PDZD8: variants seen among roughly 807,000 people sequenced by gnomAD.
PDZD8 encodes the protein PDZ domain containing 8, also known as PDZ domain-containing protein 8.
In PDZD8, 14 loss-of-function variants were observed where a neutral mutation model predicts 85.8. The observed-to-expected ratio is 0.16, with a 90% confidence interval of 0.11 to 0.26. PDZD8 has a LOEUF of 0.26. Among genes scored for constraint, PDZD8 ranks in the 10% least tolerant of loss-of-function variants. The pLI, the probability that PDZD8 is intolerant of heterozygous loss-of-function variation, is 1.00. For missense variants in PDZD8, 1,197 were observed against 1,424.3 expected, an observed-to-expected ratio of 0.84 and a Z score of 2.57; for synonymous variants, 592 against 568.6, an observed-to-expected ratio of 1.04 and a Z score of -0.59.
chr10:117,374,501 A>G lies in PDZD8; in HGVS notation c.727T>C (p.Phe243Leu). Reference sequence around the variant, plus strand: ...ATCAGCGGGTCTTCCACGAAGGAGAAGAACCAGTGGGTGAAGGGCACGCGC... The same window carrying G: ...ATCAGCGGGTCTTCCACGAAGGAGAGGAACCAGTGGGTGAAGGGCACGCGC... ...FTRVPFTHWF[F>L]SFVEDPLIDF... Residue 243 changes from phenylalanine to leucine, a missense_variant, in exon 1 of 5, where the codon TTC (phenylalanine) becomes CTC (leucine). Phe to Leu is a conservative substitution (Grantham distance 22, BLOSUM62 0). Transcript: ENST00000334464. The surrounding 1 kb of genome is among the most constrained non-coding windows in gnomAD (Gnocchi z 7.8). 2 of 1,613,576 alleles carry G rather than the reference A, an allele frequency of 1.2e-6. No homozygotes were observed. Among genetic ancestry groups the G allele is most frequent in the Non-Finnish European group, 1.7e-6 (2 of 1,179,734 alleles).
intron 3 of PDZD8, among the ~76,000 whole-genome samples, chr10:117,302,049 G>C (rs909902512): frequency 2.6e-5 from 4 of 152,076 alleles, no homozygotes; most frequent in African/African-American, 9.7e-5. Flanking sequence ...ACAATTTCTA[G>C]GTTCTAGAAC....
At chr10:117,295,514 T>C (rs985818932) in intron 3 of PDZD8, among the ~76,000 whole-genome samples, 6 of 151,950 alleles carry the variant, frequency 3.9e-5, no homozygotes, top group African/African-American at 1.5e-4. Context: ...CACAAAAAAC[T>C]CCCTCCCAGT....
chr10:117,293,506 CAAA>C (rs1844803247), intron 3 of PDZD8, among the ~76,000 whole-genome samples: 1 of 152,016 alleles, frequency 6.6e-6, no homozygotes, highest in East Asian at 1.9e-4. Context: ...CCAATATATA[CAAA>C]AGTACAGAGA....
intron 3 of PDZD8, among the ~76,000 whole-genome samples, chr10:117,304,452 C>T (rs1300409545): frequency 6.6e-6 from 1 of 152,010 alleles, no homozygotes; most frequent in Non-Finnish European, 1.5e-5. Flanking sequence ...GGACTGTGGG[C>T]TTTTGGGTTA....
chr10:117,293,700 C>G (rs1462846824), intron 3 of PDZD8, among the ~76,000 whole-genome samples: 1 of 152,094 alleles, frequency 6.6e-6, no homozygotes, highest in Non-Finnish European at 1.5e-5. Flanking sequence ...GCACAGGCAA[C>G]CTCAACATCA....
At chr10:117,356,738 A>G (rs112762179) in intron 1 of PDZD8, among the ~76,000 whole-genome samples, 2,173 of 152,296 alleles carry the variant, frequency 0.014, 51 homozygotes, top group African/African-American at 0.049. Flanking sequence ...GAAGTAATCA[A>G]TGAAAAACAA....
chr10:117,309,577 T>C (rs1589556728), intron 3 of PDZD8, among the ~76,000 whole-genome samples: 1 of 151,906 alleles, frequency 6.6e-6, no homozygotes, highest in East Asian at 1.9e-4. Context: ...AACCCTCCAT[T>C]CCCAGTGGTA....
rs776186154 is a variant in PDZD8, at chr10:117,374,860, ATCT to A, written c.365_367del (p.Lys122del). Reference sequence around the variant, plus strand: ...CAGCAGCTCCTCGAACTCCACCTTGATCTTCTTGGTGACCCAGCGGCGGGTCAG... The same window carrying A: ...CAGCAGCTCCTCGAACTCCACCTTGATCTTGGTGACCCAGCGGCGGGTCAG... On this transcript the variant is annotated inframe_deletion, in exon 1 of 5. Transcript: ENST00000334464. The surrounding 1 kb of genome is among the most constrained non-coding windows in gnomAD (Gnocchi z 7.8). 1.9e-6 allele frequency: 3 copies of A among 1,613,364 alleles called. No individual in the cohort carries two copies. The highest frequency in any genetic ancestry group is 2.5e-6 in the Non-Finnish European group (3 of 1,179,846).
chr10:117,294,716 GA>G lies in PDZD8; in HGVS notation c.1099-4369del, dbSNP rs1326012524. Among the ~76,000 whole-genome samples the G allele has an allele frequency of 2.0e-5, 3 of 152,244 alleles. No individual in the cohort carries two copies. The East Asian group carries it at 5.8e-4, about 29-fold the overall frequency. On this transcript the variant is annotated intron_variant, in intron 3 of 4. Transcript: ENST00000334464. ...GAGAAAAGTCATTTATGACAACATG[GA>G]TGAACCCAGAGGACATTATGTTAAG...
chr10:117,283,678 T>C lies in PDZD8; in HGVS notation c.3055A>G (p.Ile1019Val). 1 of 1,614,200 alleles carries C rather than the reference T, an allele frequency of 6.2e-7. No homozygotes were observed. ...AAGCCCCTGTACAGATCACGACCAA[T>C]TTCTTTAACTGCAATGAAAACACTG... ...DDSVFIAVKE[I>V]GRDLYRGLPT... The change falls in exon 5 of 5, where the codon ATT (isoleucine) becomes GTT (valine). Residue 1019 changes from isoleucine to valine, a missense_variant. Around this residue, in one of 4 missense-constraint regions of PDZD8, gnomAD observed 418 missense variants for 571.1 expected, o/e 0.73. Coordinates refer to ENST00000334464, the MANE Select transcript of PDZD8 (RefSeq NM_173791.5).
intron 1 of PDZD8, among the ~76,000 whole-genome samples, chr10:117,360,924 C>A (rs538401901): frequency 6.6e-6 from 1 of 151,904 alleles, no homozygotes; most frequent in African/African-American, 2.4e-5. Context: ...ATTGAGGATC[C>A]CAAAGAGCTG....
intron 1 of PDZD8, among the ~76,000 whole-genome samples, chr10:117,367,680 T>C (rs1358667684): frequency 6.6e-6 from 1 of 152,176 alleles, no homozygotes; most frequent in African/African-American, 2.4e-5. Flanking sequence ...ATGCCTGTAA[T>C]CCCAGCACTT....
intron 3 of PDZD8, among the ~76,000 whole-genome samples, chr10:117,312,709 A>G (rs1844059344): frequency 6.6e-6 from 1 of 152,140 alleles, no homozygotes; most frequent in Admixed American, 6.6e-5. Flanking sequence ...TTGTATTTAT[A>G]TGCTTCCATT....
chr10:117,287,603 C>G (rs1667646891), intron 4 of PDZD8, among the ~76,000 whole-genome samples: 1 of 152,182 alleles, frequency 6.6e-6, no homozygotes, highest in Admixed American at 6.5e-5. Flanking sequence ...GGATATTTGA[C>G]TCCCTAGAAA....
At chr10:117,371,264 A>T (rs184382986) in intron 1 of PDZD8, among the ~76,000 whole-genome samples, 1 of 152,222 alleles carries the variant, frequency 6.6e-6, no homozygotes, top group East Asian at 1.9e-4. Flanking sequence ...GGCTGGCTGC[A>T]ACCTCTGCCT....
chr10:117,345,891 G>A (rs1029719923), intron 1 of PDZD8, among the ~76,000 whole-genome samples: 3 of 152,060 alleles, frequency 2.0e-5, no homozygotes, highest in Admixed American at 2.0e-4. Context: ...TGTTAAATAT[G>A]TCTCCATAAA....
intron 2 of PDZD8, 135 bp from the exon 3 acceptor site, chr10:117,319,109 A>G (rs1351274311): frequency 1.5e-6 from 1 of 647,160 alleles, no homozygotes; most frequent in African/African-American, 1.9e-5. Flanking sequence ...AAAAAAATTA[A>G]GTCAAATATT....
At chr10:117,291,843 T>G (rs1844772467) in intron 3 of PDZD8, among the ~76,000 whole-genome samples, 1 of 112,544 alleles carries the variant, frequency 8.9e-6, no homozygotes, top group African/African-American at 3.1e-5. Flanking sequence ...GTGTCCTCAT[T>G]CAAACAACTG....
At chr10:117,316,071 C>T (rs1844124052) in intron 3 of PDZD8, among the ~76,000 whole-genome samples, 1 of 152,042 alleles carries the variant, frequency 6.6e-6, no homozygotes. Flanking sequence ...GTAAGATGAT[C>T]CCCTAATTTT....
Sources: gnomAD v4.1 joint callset for allele counts (sites outside exome capture counted in the v4.1 genomes callset) on GRCh38, gnomAD v4.1.1 for gene constraint, gnomAD v4.1.1 regional missense constraint, Gnocchi (gnomAD v3.1) non-coding constraint, MANE v1.5 for transcripts, NCBI Gene and HGNC (gene_info 2026-07-23, HGNC 2026-07-21) for gene names.